Variants in CELF2 observed in about 807,000 individuals in gnomAD.
CELF2 encodes the protein CUGBP Elav-like family member 2, also known as CUG triplet repeat RNA-binding protein 2.
A neutral mutation model predicts 62.6 loss-of-function variants in CELF2; 8 were observed. The observed-to-expected ratio is 0.13, with a 90% confidence interval of 0.07 to 0.23. The LOEUF (loss-of-function observed/expected upper bound fraction) is 0.23. CELF2 is among the 10% of genes least tolerant of loss of function. The probability of loss-of-function intolerance (pLI) is 1.00; values close to 1 mark genes in which losing one functional copy is unlikely to be tolerated. For missense variants in CELF2, 333 were observed against 671.0 expected (o/e 0.50, Z 5.56); for synonymous variants, 258 against 250.0 (o/e 1.03, Z -0.30).
At chr10:10,851,543 A>G (rs2059382507) in intron 1 of CELF2, among the ~76,000 whole-genome samples, 1 of 152,228 alleles carries the variant, frequency 6.6e-6, no homozygotes, top group African/African-American at 2.4e-5. Flanking sequence ...AAGATTTCTT[A>G]GATATGAAGC....
chr10:10,932,256 T>C (rs1048518691), intron 2 of CELF2, among the ~76,000 whole-genome samples: 2 of 152,116 alleles, frequency 1.3e-5, no homozygotes, highest in African/African-American at 4.8e-5. Flanking sequence ...GGACAAGGTA[T>C]GCGGTGGGGA....
intron 1 of CELF2, among the ~76,000 whole-genome samples, chr10:11,136,056 G>A (rs764472483): frequency 1.3e-5 from 2 of 152,168 alleles, no homozygotes; most frequent in African/African-American, 4.8e-5. Context: ...ATATAGGGAT[G>A]TACAAAAACA....
In CELF2 at chr10:10,997,366, C is replaced by T. The variant is rs545220303; in HGVS notation, c.89+77367C>T. Among the ~76,000 whole-genome samples, 142 of 152,324 alleles carry T rather than the reference C, an allele frequency of 9.3e-4. No homozygotes were observed. Among genetic ancestry groups the T allele is most frequent in the African/African-American group, 3.2e-3 (134 of 41,582 alleles). ...TATGAGAATTTCAAACTCATCTTTCCTAGACCATCTGGGCTTCTCTTGCAT... is the reference window on the plus strand; with the variant it reads ...TATGAGAATTTCAAACTCATCTTTCTTAGACCATCTGGGCTTCTCTTGCAT... On this transcript the variant is annotated intron_variant, in intron 2 of 13. Coordinates refer to the CELF2 transcript ENST00000636488. The surrounding 1 kb of genome is among the most constrained non-coding windows in gnomAD (Gnocchi z 5.3).
chr10:10,522,938 C>A, the CELF2 span, among the ~76,000 whole-genome samples: 5 of 152,070 alleles, frequency 3.3e-5, no homozygotes, highest in Non-Finnish European at 2.9e-5. Flanking sequence ...TGTGGTCAGC[C>A]CTGGATTAAG....
intron 1 of CELF2, among the ~76,000 whole-genome samples, chr10:11,088,634 G>A (rs1430062202): frequency 6.6e-6 from 1 of 152,142 alleles, no homozygotes; most frequent in Non-Finnish European, 1.5e-5. Flanking sequence ...TTAGGCAGAG[G>A]GAGCCAGGAA....
chr10:10,923,769 A>G (rs2065146926), intron 2 of CELF2: 1 of 152,376 alleles, frequency 6.6e-6, no homozygotes, highest in Non-Finnish European at 1.5e-5. Context: ...GGCTACACGT[A>G]CTATCCATGC....
chr10:10,983,670 C>T lies in CELF2; in HGVS notation c.89+63671C>T, dbSNP rs571525460. ...GCAACCTCCACCTCCCAGGTTCAAGCGATTCTCCTGCCTCAGCCTCCCAAG... is the reference window on the plus strand; with the variant it reads ...GCAACCTCCACCTCCCAGGTTCAAGTGATTCTCCTGCCTCAGCCTCCCAAG... On this transcript the variant is annotated intron_variant, in intron 2 of 13. Transcript: ENST00000636488. This position sits in a 1 kb window ranked among gnomAD's most constrained non-coding sequence, Gnocchi z 5.2. 2.0e-4 allele frequency among the ~76,000 whole-genome samples: 31 copies of T among 152,270 alleles called. No individual in the cohort carries two copies. The South Asian group carries it at 2.1e-3, about 10-fold the overall frequency.
intron 2 of CELF2, among the ~76,000 whole-genome samples, chr10:10,954,218 TTATTATTA>T (rs2048639815): frequency 4.9e-5 from 1 of 20,550 alleles, no homozygotes; most frequent in Admixed American, 1.2e-3. Context: ...TTATTTATTA[TTATTATTA>T]TTATTATTAT....
At position 11,333,839 on chromosome 10, in the gene CELF2, A is replaced by G. The variant is rs1049686883; in HGVS notation, c.*4786A>G. ...ATACGCAGGCTTTCCTATTTCTACA[A>G]CTGATTGTACTTATGCATTTTGTAC... On this transcript the variant is annotated 3_prime_UTR_variant, in exon 13 of 13. Coordinates refer to ENST00000633077, the MANE Select transcript of CELF2 (RefSeq NM_001326342.2). 6.6e-6 allele frequency: 1 copy of G among 152,494 alleles called. No individual in the cohort carries two copies. The highest frequency in any genetic ancestry group is 2.4e-5 in the African/African-American group (1 of 41,412). 9.4% of individuals were successfully genotyped at this position (152,494 alleles called of 1,614,324 possible). A position where few individuals can be genotyped will look rare whatever the true frequency, so the allele number is the denominator to read the frequency against.
At chr10:10,903,417 C>A (rs2063091590) in intron 1 of CELF2, among the ~76,000 whole-genome samples, 1 of 152,126 alleles carries the variant, frequency 6.6e-6, no homozygotes, top group South Asian at 2.1e-4. Context: ...GTAGAGAATT[C>A]TATTAATGAT....
At chr10:11,141,744 A>G (rs945151786) in intron 1 of CELF2, among the ~76,000 whole-genome samples, 1 of 152,254 alleles carries the variant, frequency 6.6e-6, no homozygotes, top group African/African-American at 2.4e-5. Flanking sequence ...CTGAAAATTC[A>G]GAGAACTGTT....
Position 11,331,356 on chromosome 10 carries a change from A to G in CELF2, c.*2303A>G, listed in dbSNP as rs1423052117. The G allele has an allele frequency of 1.3e-5, 2 of 152,102 alleles. No individual in the cohort carries two copies. The highest frequency in any genetic ancestry group is 4.8e-5 in the African/African-American group (2 of 41,382). 9.4% of individuals were successfully genotyped at this position (152,102 alleles called of 1,614,324 possible). A position where few individuals can be genotyped will look rare whatever the true frequency, so the allele number is the denominator to read the frequency against. ...AATTTCATGTGAGGGAAAAAAAAAA[A>G]ACCTATTCCAGAATAAGTTTTGTGT... is the stretch of plus-strand genomic sequence containing the variant. On this transcript the variant is annotated 3_prime_UTR_variant, in exon 13 of 13. Transcript: ENST00000633077.
At chr10:10,823,874 A>G (rs572622846) in intron 1 of CELF2, among the ~76,000 whole-genome samples, 1 of 152,316 alleles carries the variant, frequency 6.6e-6, no homozygotes, top group East Asian at 1.9e-4. Flanking sequence ...ATTAATGTTT[A>G]AGTATGTATG....
At chr10:10,778,626 G>C in the CELF2 span, among the ~76,000 whole-genome samples, 4 of 152,332 alleles carry the variant, frequency 2.6e-5, no homozygotes, top group East Asian at 7.7e-4. Context: ...CCTCTGAGGA[G>C]ACTCTCTAAG....
chr10:10,846,099 G>C lies in CELF2; in HGVS notation c.53+47282G>C, dbSNP rs539917913. The C allele has an allele frequency of 1.1e-5, 11 of 985,222 alleles. No individual in the cohort carries two copies. In the East Asian group the frequency reaches 1.1e-3, roughly 102 times the overall value. 61.0% of individuals were successfully genotyped at this position (985,222 alleles called of 1,614,324 possible). A position where few individuals can be genotyped will look rare whatever the true frequency, so the allele number is the denominator to read the frequency against. ...TCGATCAGATCCTTCTGCGCTCCCA[G>C]AGTTCAAGCAGGAGTAAGCAATTCC... On this transcript the variant is annotated intron_variant, in intron 1 of 13. Transcript: ENST00000636488.
chr10:10,727,996 T>C, the CELF2 span, among the ~76,000 whole-genome samples: 2 of 152,034 alleles, frequency 1.3e-5, no homozygotes, highest in African/African-American at 4.8e-5. Context: ...GTCGGCTGCA[T>C]ACACTAGCCA....
chr10:11,190,772 C>CT (rs1464797290), intron 2 of CELF2, among the ~76,000 whole-genome samples: 5 of 32,248 alleles, frequency 1.6e-4, no homozygotes, highest in South Asian at 9.9e-4. Context: ...TATCTCTTTT[C>CT]TTTAAAAAAA....
At chr10:11,124,143 A>G (rs531832390) in intron 1 of CELF2, among the ~76,000 whole-genome samples, 16 of 152,300 alleles carry the variant, frequency 1.1e-4, no homozygotes, top group South Asian at 8.3e-4. Flanking sequence ...TGATTCATTT[A>G]TTGCCATCTG....
At position 11,165,422 on chromosome 10, in the gene CELF2, T is replaced by G; in HGVS notation, c.75-64T>G. Reference sequence around the variant, plus strand: ...CGCCTCCCCGCTCCCCCACCCCCACTATTTTTTCTTCCTGTCCCTCATCGT... The same window carrying G: ...CGCCTCCCCGCTCCCCCACCCCCACGATTTTTTCTTCCTGTCCCTCATCGT... On this transcript the variant is annotated intron_variant, in intron 1 of 12. Transcript: ENST00000633077. This position sits in a 1 kb window ranked among gnomAD's most constrained non-coding sequence, Gnocchi z 7.4. 7.1e-7 allele frequency: 1 copy of G among 1,403,146 alleles called. No individual in the cohort carries two copies. The highest frequency in any genetic ancestry group is 9.7e-7 in the Non-Finnish European group (1 of 1,027,804). 86.9% of individuals were successfully genotyped at this position (1,403,146 alleles called of 1,614,324 possible).
Sources: gnomAD v4.1 joint callset for allele counts (sites outside exome capture counted in the v4.1 genomes callset) on GRCh38, gnomAD v4.1.1 for gene constraint, Gnocchi (gnomAD v3.1) non-coding constraint, MANE v1.5 for transcripts, NCBI Gene and HGNC (gene_info 2026-07-23, HGNC 2026-07-21) for gene names.